The following GUCA1A variants were observed in gnomAD, a reference collection of about 807,000 sequenced individuals.
GUCA1A encodes guanylyl cyclase-activating protein 1.
GUCA1A carries 14 observed loss-of-function variants against 18.5 expected under a neutral mutation model. The observed-to-expected ratio is 0.76, with a 90% CI of 0.50 to 1.18. The LOEUF is 1.18. Among genes scored for constraint, GUCA1A ranks in the 50% most tolerant of loss-of-function variants. GUCA1A has a pLI of 0.00. For missense variants in GUCA1A, 264 were observed against 262.4 expected (o/e 1.01, Z -0.04); for synonymous variants, 97 against 100.2 (o/e 0.97, Z 0.19).
chr6:42,178,173 C>T (rs111908876), intron 1 of GUCA1A, 107 bp from the exon 2 acceptor site: 1 of 1,364,206 alleles, frequency 7.3e-7, no homozygotes, highest in Non-Finnish European at 1.0e-6. Flanking sequence ...CTCAGCGTCT[C>T]TTGGGGCTTG....
rs1344165691 is a variant in GUCA1A, at chr6:42,173,814, G to A, written c.201G>A (p.Lys67=). ...EQMFETFDFN[K]DGYIDFMEYV... ...TGTTTGAGACTTTTGACTTCAACAA[G>A]GTGAGCAGGGGCCCAGTGGCAGGGA... Residue 67 remains lysine (K), a splice_region_variant and synonymous_variant, in exon 1 of 4, where the codon AAG becomes AAA. Transcript: ENST00000372958. The A allele has an allele frequency of 6.2e-7, 1 of 1,610,364 alleles. No individual in the cohort carries two copies. Among genetic ancestry groups the A allele is most frequent in the Non-Finnish European group, 8.5e-7 (1 of 1,176,642 alleles).
rs1429778622 is a variant in GUCA1A, at chr6:42,178,391, G to A, written c.313G>A (p.Gly105Ser). ...YFKLYDVDGN[G>S]CIDRDELLTI... Reference sequence around the variant, plus strand: ...CAAGCTCTATGATGTAGATGGCAACGGCTGCATTGACCGCGATGAGCTGCT... The same window carrying A: ...CAAGCTCTATGATGTAGATGGCAACAGCTGCATTGACCGCGATGAGCTGCT... The change falls in exon 2 of 4, where the codon GGC becomes AGC. Residue 105 changes from glycine (G) to serine (S), a missense_variant. Gly to Ser is a moderately conservative substitution (Grantham distance 56). Transcript: ENST00000372958. 2 of 1,614,020 alleles carry A rather than the reference G, an allele frequency of 1.2e-6. No individual in the cohort carries two copies. Among genetic ancestry groups the A allele is most frequent in the Admixed American group, 1.7e-5 (1 of 60,020 alleles).
chr6:42,173,679 C>T lies in GUCA1A; in HGVS notation c.66C>T (p.Tyr22=). The change falls in exon 1 of 4, where the codon TAC becomes TAT. Residue 22 remains tyrosine, a synonymous_variant. Coordinates refer to ENST00000372958, the MANE Select transcript of GUCA1A (RefSeq NM_001384910.1). ...ELSSTECHQW[Y]KKFMTECPSG... ...GCAGCACCGAGTGCCACCAGTGGTA[C>T]AAGAAGTTCATGACTGAGTGCCCCT... 3 of 1,614,022 alleles carry T rather than the reference C, an allele frequency of 1.9e-6. No homozygotes were observed. The highest frequency in any genetic ancestry group is 2.5e-6 in the Non-Finnish European group (3 of 1,179,836).
intron 1 of GUCA1A, 54 bp from the exon 2 acceptor site, chr6:42,178,226 G>A (rs1582322859): frequency 1.2e-6 from 2 of 1,606,160 alleles, no homozygotes; most frequent in East Asian, 2.2e-5. Flanking sequence ...CGGGGCCTGA[G>A]GCTGGAGTGA....
intron 1 of GUCA1A, among the ~76,000 whole-genome samples, chr6:42,174,436 A>T (rs1474158772): frequency 6.6e-6 from 1 of 152,110 alleles, no homozygotes; most frequent in Non-Finnish European, 1.5e-5. Context: ...ACTTCAAAAT[A>T]CCCAGTGACC....
Position 42,173,525 on chromosome 6 carries a change from G to A in GUCA1A, c.-89G>A, listed in dbSNP as rs905727167. ...AGGACTCAGGCCTGTGAGAGAGGAC[G>A]GCCCCGTTGTCGGCCAAGACACCTT... On this transcript the variant is annotated 5_prime_UTR_variant, in exon 1 of 4. Transcript: ENST00000372958. 9.0e-6 allele frequency: 9 copies of A among 1,005,270 alleles called. No individual in the cohort carries two copies. Among genetic ancestry groups the A allele is most frequent in the East Asian group, 4.8e-5 (2 of 41,728 alleles). The allele number at this position is 1,005,270 out of a possible 1,614,324, so 62.3% of individuals were successfully genotyped here.
chr6:42,178,756 G>A, intron 2 of GUCA1A, 46 bp from the exon 3 acceptor site: 2 of 1,410,470 alleles, frequency 1.4e-6, no homozygotes, highest in Non-Finnish European at 2.0e-6. Flanking sequence ...CCCTGAGATA[G>A]GATAAGGATG....
intron 2 of GUCA1A, 25 bp from the exon 3 acceptor site, chr6:42,178,777 A>T: frequency 6.4e-7 from 1 of 1,556,022 alleles, no homozygotes; most frequent in Non-Finnish European, 8.9e-7. Context: ...GGCCCCTCTC[A>T]CTTCTGCCCC....
At chr6:42,179,007 G>T (rs1768039632) in intron 3 of GUCA1A, 112 bp downstream of exon 3, 9 of 974,526 alleles carry the variant, frequency 9.2e-6, no homozygotes, top group Admixed American at 1.8e-5. Flanking sequence ...AGGCCCAAAG[G>T]CCCCCGTGCT....
rs201764068 is a variant in GUCA1A, at chr6:42,178,825, C to T, written c.375C>T (p.Cys125=). The T allele has an allele frequency of 6.2e-7, 1 of 1,613,444 alleles. No homozygotes were observed. The highest frequency in any genetic ancestry group is 1.3e-5 in the African/African-American group (1 of 75,014). Residue 125 remains cysteine (C), a synonymous_variant, in exon 3 of 4, where the codon TGC becomes TGT. Coordinates refer to ENST00000372958, the MANE Select transcript of GUCA1A (RefSeq NM_001384910.1). ...AGGCCATTCGCGCCATTAACCCCTG[C>T]AGCGATACCACCATGACTGCAGAGG... The part of the protein sequence containing the change: ...IIQAIRAINP[C]SDTTMTAEEF...
intron 1 of GUCA1A, 44 bp downstream of exon 1, chr6:42,173,858 C>A (rs746895046): frequency 6.8e-7 from 1 of 1,479,824 alleles, no homozygotes; most frequent in Admixed American, 1.7e-5. Flanking sequence ...GCTGGAGGGA[C>A]CCCTCTGGAA....
intron 3 of GUCA1A, 110 bp from the exon 4 acceptor site, chr6:42,179,133 C>T (rs575212403): frequency 7.4e-6 from 8 of 1,076,178 alleles, no homozygotes; most frequent in Admixed American, 3.4e-5. Context: ...GGGGCTCTGA[C>T]TTCTCCTCAC....
rs1353895203 is a variant in GUCA1A at position 42,173,459 on chromosome 6, G to A, written c.-155G>A. The A allele has an allele frequency of 8.7e-6, 6 of 686,416 alleles. No individual in the cohort carries two copies. Among genetic ancestry groups the A allele is most frequent in the East Asian group, 8.1e-5 (3 of 36,976 alleles). 42.5% of individuals were successfully genotyped at this position (686,416 alleles called of 1,614,324 possible). A position where few individuals can be genotyped will look rare whatever the true frequency, so the allele number is the denominator to read the frequency against. ...GCTCTCTCCCTCTCCACATTTCCCGGTACCATCTGATCCATCAGGCCCTTC... is the reference window on the plus strand; with the variant it reads ...GCTCTCTCCCTCTCCACATTTCCCGATACCATCTGATCCATCAGGCCCTTC... On this transcript the variant is annotated 5_prime_UTR_variant, in exon 1 of 4. Coordinates refer to ENST00000372958, the MANE Select transcript of GUCA1A (RefSeq NM_001384910.1).
At chr6:42,178,665 T>C in intron 2 of GUCA1A, 137 bp from the exon 3 acceptor site, 1 of 836,366 alleles carries the variant, frequency 1.2e-6, no homozygotes, top group Non-Finnish European at 2.1e-6. Context: ...GTCCCAGCTC[T>C]GCCTAGGCCC....
At position 42,173,574 on chromosome 6, in the gene GUCA1A, C is replaced by G; in HGVS notation, c.-40C>G. Reference sequence around the variant, plus strand: ...TTTGGGCGAGGAGCAGCGAACAGGGCCTGTCCATCTCAGACGTCAGCCCCC... The same window carrying G: ...TTTGGGCGAGGAGCAGCGAACAGGGGCTGTCCATCTCAGACGTCAGCCCCC... On this transcript the variant is annotated 5_prime_UTR_variant, in exon 1 of 4. Transcript: ENST00000372958. The G allele has an allele frequency of 6.6e-7, 1 of 1,525,216 alleles. No homozygotes were observed. Among genetic ancestry groups the G allele is most frequent in the Admixed American group, 1.7e-5 (1 of 59,922 alleles). 94.5% of individuals were successfully genotyped at this position (1,525,216 alleles called of 1,614,324 possible). A position where few individuals can be genotyped will look rare whatever the true frequency, so the allele number is the denominator to read the frequency against.
At position 42,178,362 on chromosome 6, in the gene GUCA1A, AC is replaced by A; in HGVS notation, c.285del (p.Phe96SerfsTer6). 1 of 1,613,790 alleles carries A rather than the reference AC, an allele frequency of 6.2e-7. No homozygotes were observed. On this transcript the variant is annotated frameshift_variant, in exon 2 of 4. Transcript: ENST00000372958. LOFTEE classifies it high-confidence loss of function. ...AAGGTGGAACAGAAGCTCCGCTGGT[AC>A]TTCAAGCTCTATGATGTAGATGGCA... The part of the protein sequence containing the change: ...KGKVEQKLRW[Y>X]FKLYDVDGNG...
intron 1 of GUCA1A, among the ~76,000 whole-genome samples, chr6:42,177,915 C>T (rs988081555): frequency 1.3e-5 from 2 of 152,242 alleles, no homozygotes; most frequent in African/African-American, 2.4e-5. Context: ...ACATGTCTCC[C>T]ATTTCCCCTA....
At chr6:42,175,079 T>C (rs1309509636) in intron 1 of GUCA1A, among the ~76,000 whole-genome samples, 1 of 152,178 alleles carries the variant, frequency 6.6e-6, no homozygotes. Context: ...AGAGCCTGTG[T>C]ACAGAGACTG....
Position 42,179,685 on chromosome 6 carries a change from A to C in GUCA1A, c.*282A>C. ...GTCGGGTGACCCCCTAGCCCTTCTG[A>C]CTCCTCTCCCAGCTTTTCCCAGCTT... On this transcript the variant is annotated 3_prime_UTR_variant, in exon 4 of 4. Coordinates refer to ENST00000372958, the MANE Select transcript of GUCA1A (RefSeq NM_001384910.1). 3 of 294,838 alleles carry C rather than the reference A, an allele frequency of 1.0e-5. No individual in the cohort carries two copies. The highest frequency in any genetic ancestry group is 1.0e-4 in the South Asian group (1 of 9,618). The allele number at this position is 294,838 out of a possible 1,614,324, so 18.3% of individuals were successfully genotyped here. A position where few individuals can be genotyped will look rare whatever the true frequency, so the allele number is the denominator to read the frequency against.
Sources: gnomAD v4.1 joint callset for allele counts (sites outside exome capture counted in the v4.1 genomes callset) on GRCh38, gnomAD v4.1.1 for gene constraint, MANE v1.5 for transcripts, NCBI Gene and HGNC (gene_info 2026-07-23, HGNC 2026-07-21) for gene names.